MYBBP1A: variants seen among roughly 807,000 people sequenced by gnomAD.
The protein encoded by MYBBP1A is myb-binding protein 1A.
In MYBBP1A, 147 loss-of-function variants were observed where a neutral mutation model predicts 136.3. The ratio of observed to expected loss-of-function variants is 1.08; its 90% CI spans 0.94 to 1.24. MYBBP1A has a LOEUF of 1.24. Ranked by LOEUF, MYBBP1A falls within the 50% of genes most tolerant of loss-of-function variation. The probability of loss-of-function intolerance (pLI) is 0.00; values close to 1 mark genes in which losing one functional copy is unlikely to be tolerated. For missense variants in MYBBP1A, 2,060 were observed against 1,727.4 expected (o/e 1.19, Z -3.41); for synonymous variants, 947 against 735.8 (o/e 1.29, Z -4.65).
chr17:4,550,310 A>G lies in MYBBP1A; in HGVS notation c.1067T>C (p.Val356Ala), dbSNP rs2144490705. The G allele has an allele frequency of 1.2e-6, 2 of 1,613,140 alleles. No homozygotes were observed. The highest frequency in any genetic ancestry group is 3.3e-4 in the Middle Eastern group (2 of 6,038). ...CTGGCACCCCTCTAGGAAGGTGCCC[A>G]CGTAATCGTCCATCTCTGGGGCAAA... The part of the protein sequence containing the change: ...FKFAPEMDDY[V>A]GTFLEGCQDD... Residue 356 changes from valine (V) to alanine (A), a missense_variant, in exon 9 of 26, where the codon GTG (valine) becomes GCG (alanine). Coordinates refer to ENST00000254718, the MANE Select transcript of MYBBP1A (RefSeq NM_014520.4).
At chr17:4,540,844 C>T (rs1356827973) in intron 24 of MYBBP1A, among the ~76,000 whole-genome samples, 1 of 151,330 alleles carries the variant, frequency 6.6e-6, no homozygotes, top group Non-Finnish European at 1.5e-5. Context: ...TCCTGCACAT[C>T]CTGAATGGGT....
chr17:4,550,287 G>GGCACCC lies in MYBBP1A; in HGVS notation c.1084_1089dup (p.Gly362_Cys363dup). ...GCCAGCTGCCGCTCAGGGTCATCCT[G>GGCACCC]GCACCCCTCTAGGAAGGTGCCCACG... is the stretch of plus-strand genomic sequence containing the variant. On this transcript the variant is annotated inframe_insertion, in exon 9 of 26. Coordinates refer to ENST00000254718, the MANE Select transcript of MYBBP1A (RefSeq NM_014520.4). The GGCACCC allele has an allele frequency of 6.2e-7, 1 of 1,613,408 alleles. No individual in the cohort carries two copies. The highest frequency in any genetic ancestry group is 8.5e-7 in the Non-Finnish European group (1 of 1,179,968).
rs200972722 is a variant in MYBBP1A at position 4,539,721 on chromosome 17, C to T, written c.3681G>A (p.Thr1227=). The change falls in exon 26 of 26, where the codon ACG becomes ACA. Residue 1227 remains threonine, a synonymous_variant. Coordinates refer to ENST00000254718, the MANE Select transcript of MYBBP1A (RefSeq NM_014520.4). ...CAGGGGCTGGACTCTTGGTGGTTGG[C>T]GTCCCGTTTGCCTGGGCTGGGACCT... The part of the protein sequence containing the change: ...KAKVPAQANG[T]PTTKSPAPGA... 37 of 1,609,408 alleles carry T rather than the reference C, an allele frequency of 2.3e-5. No individual in the cohort carries two copies. Among genetic ancestry groups the T allele is most frequent in the Middle Eastern group, 3.3e-4 (2 of 6,040 alleles).
At chr17:4,550,714 T>C (rs1000905317) in intron 8 of MYBBP1A, among the ~76,000 whole-genome samples, 1 of 152,078 alleles carries the variant, frequency 6.6e-6, no homozygotes, top group African/African-American at 2.4e-5. Context: ...CAGGGCAGAG[T>C]GGTAGTTAGG....
intron 9 of MYBBP1A, 72 bp from the exon 10 acceptor site, chr17:4,549,514 C>T: frequency 7.3e-7 from 1 of 1,363,974 alleles, no homozygotes. Context: ...CAGTGGCTCA[C>T]ACCTGTAATC....
At chr17:4,540,271 A>C in intron 25 of MYBBP1A, 77 bp downstream of exon 25, 1 of 1,483,010 alleles carries the variant, frequency 6.7e-7, no homozygotes, top group Admixed American at 2.0e-5. Context: ...GCGTGTGTGC[A>C]GCGTGTGTGT....
At position 4,545,049 on chromosome 17, in the gene MYBBP1A, C is replaced by G. The variant is rs200520848; in HGVS notation, c.2287G>C (p.Val763Leu). The G allele has an allele frequency of 9.7e-6, 15 of 1,546,318 alleles. No individual in the cohort carries two copies. Among genetic ancestry groups the G allele is most frequent in the Non-Finnish European group, 1.3e-5 (15 of 1,147,344 alleles). Residue 763 changes from valine to leucine, a missense_variant, in exon 17 of 26, where the codon GTG becomes CTG. By Grantham distance (32) the Val-to-Leu change is conservative. Transcript: ENST00000254718. ...ACCAGCGCCTTCCCAGCCTGCAGCA[C>G]GGTCATCAGCTGTTCCCGGAAGCCC... ...DQGFREQLMT[V>L]LQAGKALGGE...
rs772371074 is a variant in MYBBP1A, at chr17:4,542,486, C to A, written c.3065G>T (p.Gly1022Val). ...LLPILVQHIT[G>V]PVRPRHQACL... is the part of the protein sequence containing the mutation. The stretch of plus-strand genomic sequence containing the variant: ...CACCTGATGACGGGGCCGCACCGGG[C>A]CCGTGATATGCTGGACCAGGATGGG... Residue 1022 changes from glycine to valine, a missense_variant, in exon 22 of 26, where the codon GGC becomes GTC. Physicochemically the swap from Gly to Val is moderately radical, Grantham distance 109. Coordinates refer to ENST00000254718, the MANE Select transcript of MYBBP1A (RefSeq NM_014520.4). 6.2e-7 allele frequency: 1 copy of A among 1,611,140 alleles called. No individual in the cohort carries two copies. The highest frequency in any genetic ancestry group is 8.5e-7 in the Non-Finnish European group (1 of 1,178,212).
rs373747647 is a variant in MYBBP1A at position 4,541,767 on chromosome 17, C to T, written c.3195+17G>A. 1.4e-5 allele frequency: 22 copies of T among 1,604,546 alleles called. No homozygotes were observed. The highest frequency in any genetic ancestry group is 9.4e-5 in the African/African-American group (7 of 74,856). ...TGATTCTGAGGGGGTGGGGAAAGGG[C>T]GCCCCCCGGCTGTTACCTCGGTGAC... On this transcript the variant is annotated intron_variant, in intron 23 of 25. Transcript: ENST00000254718.
chr17:4,546,921 T>C (rs1390374901), intron 13 of MYBBP1A, among the ~76,000 whole-genome samples: 3 of 151,260 alleles, frequency 2.0e-5, no homozygotes, highest in Non-Finnish European at 4.4e-5. Context: ...CCTTTTTTTT[T>C]TTTTTTCTAA....
rs763615048 is a variant in MYBBP1A at position 4,539,841 on chromosome 17, C to T, written c.3561G>A (p.Glu1187=). Residue 1187 remains glutamate (E), a synonymous_variant, in exon 26 of 26, where the codon GAG becomes GAA. Coordinates refer to ENST00000254718, the MANE Select transcript of MYBBP1A (RefSeq NM_014520.4). ...TGCCATCCTCCGCTGGCGTGCCATC[C>T]TCTGACTTGCGTTTCTTGCGCTTCT... ...ETKKRKKRKS[E]DGTPAEDGTP... 10 of 1,609,398 alleles carry T rather than the reference C, an allele frequency of 6.2e-6. No homozygotes were observed. The highest frequency in any genetic ancestry group is 1.6e-4 in the Middle Eastern group (1 of 6,062).
rs777209262 is a variant in MYBBP1A at position 4,554,918 on chromosome 17, C to A, written c.237G>T (p.Thr79=). 3 of 1,613,570 alleles carry A rather than the reference C, an allele frequency of 1.9e-6. No homozygotes were observed. In the South Asian group the frequency reaches 3.3e-5, roughly 18 times the overall value. The change falls in exon 2 of 26, where the codon ACG becomes ACT. Residue 79 remains threonine (T), a synonymous_variant. Coordinates refer to ENST00000254718, the MANE Select transcript of MYBBP1A (RefSeq NM_014520.4). ...CTGTTTCTCGCCCGACCCCGAGTCCCGTGATTAGACGCTTCAGGGCATATT... is the reference window on the plus strand; with the variant it reads ...CTGTTTCTCGCCCGACCCCGAGTCCAGTGATTAGACGCTTCAGGGCATATT... ...EMKYALKRLI[T]GLGVGRETAR...
chr17:4,544,235 G>A (rs1000317236), intron 19 of MYBBP1A, among the ~76,000 whole-genome samples: 4 of 152,076 alleles, frequency 2.6e-5, no homozygotes, highest in Admixed American at 2.6e-4. Flanking sequence ...ACTTGAGACT[G>A]TCAAGGGCAG....
At chr17:4,553,658 C>T in intron 5 of MYBBP1A, 152 bp downstream of exon 5, 1 of 624,884 alleles carries the variant, frequency 1.6e-6, no homozygotes, top group Admixed American at 3.0e-5. Context: ...ACACCTGTTT[C>T]TTTTTACCTT....
At chr17:4,546,107 A>G (rs1906992377) in intron 13 of MYBBP1A, among the ~76,000 whole-genome samples, 165 bp from the exon 14 acceptor site, 1 of 152,294 alleles carries the variant, frequency 6.6e-6, no homozygotes, top group East Asian at 1.9e-4. Flanking sequence ...AGAAGACCCC[A>G]GCTGGACACC....
intron 13 of MYBBP1A, among the ~76,000 whole-genome samples, chr17:4,546,407 G>A (rs1362559698): frequency 6.6e-6 from 1 of 152,092 alleles, no homozygotes; most frequent in Admixed American, 6.5e-5. Context: ...TTGCAGGTGT[G>A]AGCCCCCGCG....
rs780728384 is a variant in MYBBP1A at position 4,539,712 on chromosome 17, G to C, written c.3690C>G (p.Thr1230=). 25 of 1,609,496 alleles carry C rather than the reference G, an allele frequency of 1.6e-5. No individual in the cohort carries two copies. Among genetic ancestry groups the C allele is most frequent in the Admixed American group, 3.4e-5 (2 of 59,606 alleles). The stretch of plus-strand genomic sequence containing the variant: ...TGGGGGCGCCAGGGGCTGGACTCTT[G>C]GTGGTTGGCGTCCCGTTTGCCTGGG... The part of the protein sequence containing the change: ...VPAQANGTPT[T]KSPAPGAPTR... Residue 1230 remains threonine (T), a synonymous_variant, in exon 26 of 26, where the codon ACC becomes ACG. Coordinates refer to ENST00000254718, the MANE Select transcript of MYBBP1A (RefSeq NM_014520.4).
chr17:4,550,456 C>T (rs1324161028), intron 8 of MYBBP1A, 103 bp from the exon 9 acceptor site: 5 of 1,359,572 alleles, frequency 3.7e-6, no homozygotes, highest in African/African-American at 1.5e-5. Context: ...AACAGCCCAA[C>T]AGCCCGGGGG....
intron 13 of MYBBP1A, among the ~76,000 whole-genome samples, chr17:4,547,292 G>T (rs1309916265): frequency 6.6e-6 from 1 of 152,138 alleles, no homozygotes; most frequent in Non-Finnish European, 1.5e-5. Context: ...CAAGGCTGGG[G>T]GCAGGCTCCA....
Sources: gnomAD v4.1 joint callset for allele counts (sites outside exome capture counted in the v4.1 genomes callset) on GRCh38, gnomAD v4.1.1 for gene constraint, MANE v1.5 for transcripts, NCBI Gene and HGNC (gene_info 2026-07-23, HGNC 2026-07-21) for gene names.